Variants in KCNK2 observed in about 807,000 individuals in gnomAD.
The protein encoded by KCNK2 is potassium two pore domain channel subfamily K member 2, also known as potassium channel subfamily K member 2.
In KCNK2, 21 loss-of-function variants were observed where a neutral mutation model predicts 40.5. The ratio of observed to expected loss-of-function variants is 0.52; its 90% confidence interval spans 0.37 to 0.75. KCNK2 has a LOEUF of 0.75. Among genes scored for constraint, KCNK2 ranks in the 30% least tolerant of loss-of-function variants. The pLI, the probability that KCNK2 is intolerant of heterozygous loss-of-function variation, is 0.00. For synonymous variants in KCNK2, 191 were observed against 202.2 expected (o/e 0.94, Z 0.47); for missense variants, 399 against 531.6 (o/e 0.75, Z 2.45).
rs187321955 is a variant in KCNK2 at position 215,169,750 on chromosome 1, A to G, written c.636+391A>G. Among the ~76,000 whole-genome samples, 20 of 151,962 alleles carry G rather than the reference A, an allele frequency of 1.3e-4. No homozygotes were observed. The East Asian group carries it at 2.9e-3, about 22-fold the overall frequency. ...AACCTCCACCTCCCAGGTTCAAGCA[A>G]TTCTCGTGCCTCAGCCTCCTGAGTA... On this transcript the variant is annotated intron_variant, in intron 4 of 6. Coordinates refer to ENST00000444842, the MANE Select transcript of KCNK2 (RefSeq NM_001017425.3).
intron 2 of KCNK2, among the ~76,000 whole-genome samples, chr1:215,092,408 A>G (rs1427222406): frequency 1.3e-5 from 2 of 152,140 alleles, no homozygotes; most frequent in Non-Finnish European, 2.9e-5. Context: ...TGCTTTAGTT[A>G]TTGAGGAAGA....
intron 6 of KCNK2, among the ~76,000 whole-genome samples, chr1:215,210,071 A>G (rs536132764): frequency 5.3e-3 from 348 of 65,450 alleles, no homozygotes; most frequent in Non-Finnish European, 7.8e-3. Flanking sequence ...CTATACAAAT[A>G]CACTATAGAT....
chr1:215,088,105 C>T (rs1293448030), intron 2 of KCNK2, among the ~76,000 whole-genome samples: 2 of 151,980 alleles, frequency 1.3e-5, no homozygotes, highest in African/African-American at 4.8e-5. Context: ...TGCCCCCTTC[C>T]CTGGTCCCAT....
At chr1:215,007,753 T>C (rs1197107001) in intron 1 of KCNK2, among the ~76,000 whole-genome samples, 1 of 152,180 alleles carries the variant, frequency 6.6e-6, no homozygotes, top group Admixed American at 6.5e-5. Context: ...ACGGTTATCA[T>C]TAAGGTAAAC....
intron 6 of KCNK2, among the ~76,000 whole-genome samples, chr1:215,213,391 C>G (rs1665826044): frequency 6.6e-6 from 1 of 152,106 alleles, no homozygotes; most frequent in Non-Finnish European, 1.5e-5. Flanking sequence ...GGTGGATCAC[C>G]TGAGGTCAGG....
intron 1 of KCNK2, among the ~76,000 whole-genome samples, chr1:215,064,597 G>C (rs1320165908): frequency 1.3e-5 from 2 of 152,108 alleles, no homozygotes; most frequent in Non-Finnish European, 2.9e-5. Context: ...CAGACATAGA[G>C]CTGATCCTTA....
At chr1:215,071,953 T>C (rs1658769423) in intron 1 of KCNK2, among the ~76,000 whole-genome samples, 1 of 152,224 alleles carries the variant, frequency 6.6e-6, no homozygotes, top group South Asian at 2.1e-4. Flanking sequence ...CTTGCCTTTG[T>C]CTATAATTGT....
rs529412522 is a variant in KCNK2, at chr1:215,011,895, C to T, written c.34+5940C>T. Among the ~76,000 whole-genome samples, 6 of 148,674 alleles carry T rather than the reference C, an allele frequency of 4.0e-5. No individual in the cohort carries two copies. The South Asian group carries it at 9.5e-4, about 23-fold the overall frequency. ...TGCTGGGTTTACAGGCGTGAGTCAC[C>T]GTGCCCGGCCTTGAGTCTGATTTTT... On this transcript the variant is annotated intron_variant, in intron 1 of 6. Transcript: ENST00000391895.
At chr1:215,191,130 C>T (rs1664646716) in intron 5 of KCNK2, among the ~76,000 whole-genome samples, 2 of 151,748 alleles carry the variant, frequency 1.3e-5, no homozygotes, top group Non-Finnish European at 2.9e-5. Context: ...ACTAAAAATA[C>T]AAAAATTCGT....
chr1:215,210,968 C>G (rs950123263), intron 6 of KCNK2, among the ~76,000 whole-genome samples: 2 of 152,036 alleles, frequency 1.3e-5, no homozygotes, highest in African/African-American at 4.8e-5. Flanking sequence ...CCTGTGCCAC[C>G]ATGAGCTCAC....
intron 1 of KCNK2, among the ~76,000 whole-genome samples, chr1:215,009,626 C>T (rs1656307079): frequency 6.6e-6 from 1 of 151,876 alleles, no homozygotes; most frequent in Non-Finnish European, 1.5e-5. Context: ...TTATGGCCAT[C>T]TCTGATTTTT....
chr1:215,108,540 G>T (rs2102559616), intron 2 of KCNK2, among the ~76,000 whole-genome samples: 1 of 152,062 alleles, frequency 6.6e-6, no homozygotes, highest in Middle Eastern at 3.4e-3. Flanking sequence ...ATCTATTTTT[G>T]CTTTTGTTGC....
chr1:215,138,178 A>G (rs1298901790), intron 3 of KCNK2, among the ~76,000 whole-genome samples: 2 of 152,220 alleles, frequency 1.3e-5, no homozygotes, highest in Non-Finnish European at 2.9e-5. Flanking sequence ...CGGAAACCAC[A>G]GGGAAATGTA....
chr1:215,116,858 C>T (rs1660965942), intron 2 of KCNK2, among the ~76,000 whole-genome samples: 1 of 151,298 alleles, frequency 6.6e-6, no homozygotes, highest in African/African-American at 2.4e-5. Context: ...ACAAAATATG[C>T]TGGGGGGGGA....
chr1:215,094,299 A>T (rs184809302), intron 2 of KCNK2, among the ~76,000 whole-genome samples: 86 of 152,162 alleles, frequency 5.7e-4, no homozygotes, highest in African/African-American at 1.9e-3. Context: ...AACATCCCAT[A>T]AATACTTTCT....
rs368315915 is a variant in KCNK2 at position 215,107,571 on chromosome 1, C to T, written c.358-17062C>T. 6.2e-4 allele frequency among the ~76,000 whole-genome samples: 95 copies of T among 152,096 alleles called. 1 individual carries two copies. The South Asian group carries it at 0.019, about 31-fold the overall frequency. On this transcript the variant is annotated intron_variant, in intron 2 of 6. Coordinates refer to ENST00000444842, the MANE Select transcript of KCNK2 (RefSeq NM_001017425.3). The stretch of plus-strand genomic sequence containing the variant: ...GGGTATATGTGAAGTACTATTTCAT[C>T]GATTTGTGTTTTTCTGATAATTAGT...
intron 1 of KCNK2, among the ~76,000 whole-genome samples, chr1:215,018,010 A>T: frequency 6.6e-6 from 1 of 152,188 alleles, no homozygotes; most frequent in East Asian, 1.9e-4. Flanking sequence ...ATGAAGGAAA[A>T]GTAGTCTGCA....
intron 2 of KCNK2, among the ~76,000 whole-genome samples, chr1:215,113,240 G>A (rs1403950496): frequency 1.3e-5 from 2 of 151,608 alleles, no homozygotes; most frequent in African/African-American, 4.8e-5. Flanking sequence ...TATTTTTTTT[G>A]CTTAGAACTT....
intron 6 of KCNK2, among the ~76,000 whole-genome samples, chr1:215,214,722 A>C (rs1403987907): frequency 6.6e-6 from 1 of 152,102 alleles, no homozygotes; most frequent in Non-Finnish European, 1.5e-5. Context: ...ACTACTCAGG[A>C]GGCTGAGGTG....
Sources: gnomAD v4.1 joint callset for allele counts (sites outside exome capture counted in the v4.1 genomes callset) on GRCh38, gnomAD v4.1.1 for gene constraint, MANE v1.5 for transcripts, NCBI Gene and HGNC (gene_info 2026-07-23, HGNC 2026-07-21) for gene names.